CNDP1: variants seen among roughly 807,000 people sequenced by gnomAD.
CNDP1 encodes beta-Ala-His dipeptidase.
In CNDP1, 44 loss-of-function variants were observed where a neutral mutation model predicts 58.1. The observed-to-expected ratio is 0.76, with a 90% CI of 0.60 to 0.97. The LOEUF is 0.97. Ranked by LOEUF, CNDP1 falls within the 50% of genes least tolerant of loss-of-function variation. CNDP1 has a pLI of 0.00. For synonymous variants in CNDP1, 254 were observed against 252.6 expected, an observed-to-expected ratio of 1.01 and a Z score of -0.05; for missense variants, 616 against 655.1, an observed-to-expected ratio of 0.94 and a Z score of 0.65.
Position 74,578,278 on chromosome 18 carries a change from T to C in CNDP1, c.1118T>C (p.Phe373Ser). Residue 373 changes from phenylalanine to serine, a missense_variant, in exon 9 of 12, where the codon TTT becomes TCT. By Grantham distance (155) the Phe-to-Ser change is radical. Transcript: ENST00000358821. ...ATACCTGGCCGAGTTATAGGAAAAT[T>C]TTCAATCCGTCTAGTCCCTCACATG... ...TVIPGRVIGK[F>S]SIRLVPHMNV... The C allele has an allele frequency of 6.2e-7, 1 of 1,614,022 alleles. No homozygotes were observed. Among genetic ancestry groups the C allele is most frequent in the African/African-American group, 1.3e-5 (1 of 74,986 alleles).
chr18:74,540,328 T>C (rs1568289923), intron 1 of CNDP1, among the ~76,000 whole-genome samples: 1 of 152,262 alleles, frequency 6.6e-6, no homozygotes, highest in South Asian at 2.1e-4. Flanking sequence ...CAACTAATTT[T>C]TGTATATTTT....
intron 1 of CNDP1, among the ~76,000 whole-genome samples, chr18:74,542,333 G>A (rs1407609169): frequency 6.6e-6 from 1 of 152,166 alleles, no homozygotes; most frequent in South Asian, 2.1e-4. Context: ...GCCTTTTAAG[G>A]TGCACTGAAC....
intron 1 of CNDP1, among the ~76,000 whole-genome samples, chr18:74,549,647 G>T (rs746229491): frequency 1.3e-5 from 2 of 152,192 alleles, no homozygotes; most frequent in Non-Finnish European, 2.9e-5. Context: ...GCAACCACTT[G>T]CTAGAGAGAC....
At chr18:74,584,193 C>A in intron 11 of CNDP1, 1 of 398,128 alleles carries the variant, frequency 2.5e-6, no homozygotes. Flanking sequence ...ATCTCCTAAG[C>A]ATCCCAGACT....
At chr18:74,537,025 T>C (rs1427972309) in intron 1 of CNDP1, among the ~76,000 whole-genome samples, 2 of 152,252 alleles carry the variant, frequency 1.3e-5, no homozygotes, top group East Asian at 3.8e-4. Context: ...TCCTCGATAC[T>C]GGATATTAGA....
At position 74,534,567 on chromosome 18, in the gene CNDP1, A is replaced by C; in HGVS notation, c.-101A>C. 8.0e-7 allele frequency: 1 copy of C among 1,245,004 alleles called. No individual in the cohort carries two copies. Among genetic ancestry groups the C allele is most frequent in the Non-Finnish European group, 1.2e-6 (1 of 851,072 alleles). 77.1% of individuals were successfully genotyped at this position (1,245,004 alleles called of 1,614,324 possible). On this transcript the variant is annotated 5_prime_UTR_variant, in exon 1 of 12. Coordinates refer to ENST00000358821, the MANE Select transcript of CNDP1 (RefSeq NM_032649.6). Reference sequence around the variant, plus strand: ...GGGGACAACGTGGGTCAGGGCACAGAGAGATATTTAATGTCACCCTCTTGG... The same window carrying C: ...GGGGACAACGTGGGTCAGGGCACAGCGAGATATTTAATGTCACCCTCTTGG...
At position 74,555,592 on chromosome 18, in the gene CNDP1, T is replaced by C. The variant is rs78834075; in HGVS notation, c.25-746T>C. Among the ~76,000 whole-genome samples, 1,065 of 152,170 alleles carry C rather than the reference T, an allele frequency of 7.0e-3. 12 individuals carry two copies. Among genetic ancestry groups the C allele is most frequent in the African/African-American group, 0.025 (1,023 of 41,544 alleles). ...TCAGGGGTCAAGGAGGAATGCTGGC[T>C]CTTAGGCTCCCAAGGACACCCAGGT... is the stretch of plus-strand genomic sequence containing the variant. On this transcript the variant is annotated intron_variant, in intron 1 of 11. Transcript: ENST00000358821.
chr18:74,575,649 C>A (rs1177287125), intron 7 of CNDP1, among the ~76,000 whole-genome samples: 3 of 152,044 alleles, frequency 2.0e-5, no homozygotes, highest in Non-Finnish European at 2.9e-5. Flanking sequence ...ATTTTGTGGT[C>A]ATGATGGTAT....
intron 1 of CNDP1, among the ~76,000 whole-genome samples, chr18:74,542,184 C>T (rs1980642801): frequency 1.3e-5 from 2 of 152,202 alleles, no homozygotes; most frequent in Non-Finnish European, 2.9e-5. Context: ...AGGAGCACTG[C>T]CCTGGGGCCA....
intron 1 of CNDP1, among the ~76,000 whole-genome samples, chr18:74,538,001 T>G (rs968986190): frequency 5.9e-5 from 9 of 152,224 alleles, no homozygotes; most frequent in African/African-American, 1.9e-4. Flanking sequence ...GTTTTTGTTT[T>G]GTTTTGTTTT....
chr18:74,548,463 C>T (rs188434066), intron 1 of CNDP1, among the ~76,000 whole-genome samples: 146 of 152,230 alleles, frequency 9.6e-4, no homozygotes, highest in Non-Finnish European at 1.7e-3. Flanking sequence ...GAGCAGATGC[C>T]GGCACCATGC....
At chr18:74,557,585 G>A (rs1365410212) in intron 2 of CNDP1, among the ~76,000 whole-genome samples, 1 of 150,880 alleles carries the variant, frequency 6.6e-6, no homozygotes, top group Non-Finnish European at 1.5e-5. Flanking sequence ...GTGGCCATCC[G>A]GTCCCATCCC....
In CNDP1 at chr18:74,545,924, C is replaced by T. The variant is rs1161519007; in HGVS notation, c.25-10414C>T. Reference sequence around the variant, plus strand: ...TCCCTTAGGATTTACACCTCTCACCCCTCAAAACCGAGAGCCATGCCCTGT... The same window carrying T: ...TCCCTTAGGATTTACACCTCTCACCTCTCAAAACCGAGAGCCATGCCCTGT... On this transcript the variant is annotated intron_variant, in intron 1 of 11. Coordinates refer to ENST00000358821, the MANE Select transcript of CNDP1 (RefSeq NM_032649.6). This position sits in a 1 kb window ranked among gnomAD's most constrained non-coding sequence, Gnocchi z 4.1. Among the ~76,000 whole-genome samples the T allele has an allele frequency of 6.6e-6, 1 of 152,146 alleles. No individual in the cohort carries two copies. The highest frequency in any genetic ancestry group is 2.4e-5 in the African/African-American group (1 of 41,410).
intron 7 of CNDP1, among the ~76,000 whole-genome samples, chr18:74,571,979 A>G (rs1981491030): frequency 6.6e-6 from 1 of 152,088 alleles, no homozygotes. Flanking sequence ...TAGGATGCAA[A>G]AAGGTGATGT....
At position 74,576,922 on chromosome 18, in the gene CNDP1, G is replaced by A; in HGVS notation, c.895G>A (p.Val299Met). ...HILVPGIYDEVVPLTEEEINT... is the reference protein window; with the variant it reads ...HILVPGIYDEMVPLTEEEINT... ...CCTGGTCCCTGGAATCTATGATGAA[G>A]TGGTTCCTCTTACAGAAGAGGAAAT... The change falls in exon 8 of 12, where the codon GTG (valine) becomes ATG (methionine). Residue 299 changes from valine (V) to methionine (M), a missense_variant. Transcript: ENST00000358821. The A allele has an allele frequency of 6.2e-7, 1 of 1,613,382 alleles. No homozygotes were observed. Among genetic ancestry groups the A allele is most frequent in the Non-Finnish European group, 8.5e-7 (1 of 1,179,662 alleles).
chr18:74,584,420 A>G, intron 11 of CNDP1, 76 bp from the exon 12 acceptor site: 1 of 999,088 alleles, frequency 1.0e-6, no homozygotes, highest in Admixed American at 1.7e-5. Context: ...CTTCCTGTCT[A>G]AATGACAGAA....
intron 1 of CNDP1, among the ~76,000 whole-genome samples, chr18:74,549,809 G>A (rs1296427853): frequency 1.3e-5 from 2 of 152,214 alleles, no homozygotes; most frequent in East Asian, 3.9e-4. Flanking sequence ...ACCTGGGACA[G>A]CACTGCTCTG....
At chr18:74,560,737 T>C (rs1278834436) in intron 3 of CNDP1, 119 bp from the exon 4 acceptor site, 6 of 916,834 alleles carry the variant, frequency 6.5e-6, no homozygotes, top group African/African-American at 3.3e-5. Flanking sequence ...ATTTTAGAGA[T>C]GGAGAAACTG....
At chr18:74,560,738 G>A (rs1017089513) in intron 3 of CNDP1, 118 bp from the exon 4 acceptor site, 1 of 929,984 alleles carries the variant, frequency 1.1e-6, no homozygotes, top group African/African-American at 1.6e-5. Context: ...TTTTAGAGAT[G>A]GAGAAACTGA....
Sources: gnomAD v4.1 joint callset for allele counts (sites outside exome capture counted in the v4.1 genomes callset) on GRCh38, gnomAD v4.1.1 for gene constraint, Gnocchi (gnomAD v3.1) non-coding constraint, MANE v1.5 for transcripts, NCBI Gene and HGNC (gene_info 2026-07-23, HGNC 2026-07-21) for gene names.